NEK8: variants seen among roughly 807,000 people sequenced by gnomAD.
NEK8 encodes the protein serine/threonine-protein kinase Nek8.
NEK8 carries 51 observed loss-of-function variants against 77.2 expected under a neutral mutation model. The observed-to-expected ratio is 0.66, with a 90% CI of 0.53 to 0.83. The LOEUF is 0.83. Among genes scored for constraint, NEK8 ranks in the 40% least tolerant of loss-of-function variants. The pLI is 0.00. For synonymous variants in NEK8, 365 were observed against 363.2 expected (o/e 1.00, Z -0.06); for missense variants, 787 against 909.2 (o/e 0.87, Z 1.73).
chr17:28,740,473 G>T lies in NEK8; in HGVS notation c.1428G>T (p.Gly476=). 6.2e-7 allele frequency: 1 copy of T among 1,614,064 alleles called. No individual in the cohort carries two copies. The highest frequency in any genetic ancestry group is 8.5e-7 in the Non-Finnish European group (1 of 1,179,994). The change falls in exon 11 of 15, where the codon GGG becomes GGT. Residue 476 remains glycine, a synonymous_variant. Transcript: ENST00000268766. The surrounding 1 kb of genome is among the most constrained non-coding windows in gnomAD (Gnocchi z 4.7). ...AWGRGDSGRL[G]LGTRESHSCP... ...GGTTTCTTCTTGTAGGCAGACTGGG[G>T]CTAGGCACCAGGGAGTCCCACAGCT...
chr17:28,739,931 A>T (rs1216231112), intron 10 of NEK8, among the ~76,000 whole-genome samples: 1 of 152,170 alleles, frequency 6.6e-6, no homozygotes, highest in Non-Finnish European at 1.5e-5. Context: ...AGAGGCGTGG[A>T]ATTCAGTGAA....
Position 28,738,691 on chromosome 17 carries a change from T to G in NEK8, c.1243T>G (p.Phe415Val). Reference protein sequence around the residue: ...CLTDRGIIMTFGSGSNGCLGH... With the variant: ...CLTDRGIIMTVGSGSNGCLGH... ...CCCAGACAGAGGCATCATCATGACA[T>G]TCGGCAGCGGCAGCAATGGGTGCCT... Residue 415 changes from phenylalanine (F) to valine (V), a missense_variant, in exon 9 of 15, where the codon TTC (phenylalanine) becomes GTC (valine). By Grantham distance (50) the Phe-to-Val change is conservative (BLOSUM62 -1). Transcript: ENST00000268766. 6.2e-7 allele frequency: 1 copy of G among 1,614,182 alleles called. No homozygotes were observed. The highest frequency in any genetic ancestry group is 8.5e-7 in the Non-Finnish European group (1 of 1,180,002).
At position 28,738,724 on chromosome 17, in the gene NEK8, G is replaced by A. The variant is rs867565343; in HGVS notation, c.1276G>A (p.Gly426Ser). 3.1e-6 allele frequency: 5 copies of A among 1,613,992 alleles called. No homozygotes were observed. Among genetic ancestry groups the A allele is most frequent in the Admixed American group, 3.3e-5 (2 of 60,006 alleles). Reference sequence around the variant, plus strand: ...CGGCAGCAATGGGTGCCTAGGCCATGGCAGCCTCACTGACATCAGCCAGGT... The same window carrying A: ...CGGCAGCAATGGGTGCCTAGGCCATAGCAGCCTCACTGACATCAGCCAGGT... Reference protein sequence around the residue: ...GSGSNGCLGHGSLTDISQPTI... With the variant: ...GSGSNGCLGHSSLTDISQPTI... Residue 426 changes from glycine to serine, a missense_variant, in exon 9 of 15, where the codon GGC becomes AGC. By Grantham distance (56) the Gly-to-Ser change is moderately conservative. Transcript: ENST00000268766.
chr17:28,732,404 G>A (rs553572982), intron 1 of NEK8, among the ~76,000 whole-genome samples: 5 of 152,134 alleles, frequency 3.3e-5, no homozygotes, highest in South Asian at 4.1e-4. Flanking sequence ...TATTTTAGGC[G>A]AGAAATTATG....
rs376335658 is a variant in NEK8, at chr17:28,741,082, G to A, written c.1737G>A (p.Ser579=). 1.4e-5 allele frequency: 22 copies of A among 1,614,146 alleles called. No individual in the cohort carries two copies. Among genetic ancestry groups the A allele is most frequent in the Non-Finnish European group, 1.7e-5 (20 of 1,180,032 alleles). The change falls in exon 13 of 15, where the codon TCG becomes TCA. Residue 579 remains serine (S), a synonymous_variant. Transcript: ENST00000268766. This position sits in a 1 kb window ranked among gnomAD's most constrained non-coding sequence, Gnocchi z 4.5. The stretch of plus-strand genomic sequence containing the variant: ...TTTCCTTCCTCTCCCCCATAGCCTC[G>A]GGTGATTGCTACACTTTTGGCAGCA... ...GTAHSAAVTA[S]GDCYTFGSNQ...
intron 9 of NEK8, 43 bp from the exon 10 acceptor site, chr17:28,739,041 C>G: frequency 6.8e-7 from 1 of 1,462,998 alleles, no homozygotes; most frequent in Middle Eastern, 1.7e-4. Context: ...CAGATGGCTC[C>G]AGACCCTTTG....
rs749762875 is a variant in NEK8 at position 28,740,947 on chromosome 17, G to A, written c.1694G>A (p.Ser565Asn). ...CCCCTGGACCAGGAGCCTCTGCTGA[G>A]TATAGACCTGGGCACTGCTCACTCA... ...SAPLDQEPLL[S>N]IDLGTAHSAA... The change falls in exon 12 of 15, where the codon AGT (serine) becomes AAT (asparagine). Residue 565 changes from serine to asparagine, a missense_variant. Physicochemically the swap from Ser to Asn is conservative, Grantham distance 46 (BLOSUM62 1). This residue lies in a region of NEK8 where 516 missense variants were observed against 544.0 expected (regional missense o/e 0.95). Transcript: ENST00000268766. The surrounding 1 kb of genome is among the most constrained non-coding windows in gnomAD (Gnocchi z 4.7). The A allele has an allele frequency of 1.2e-6, 2 of 1,614,176 alleles. No individual in the cohort carries two copies. The highest frequency in any genetic ancestry group is 1.1e-5 in the South Asian group (1 of 91,086).
At chr17:28,734,605 A>G in intron 2 of NEK8, 167 bp from the exon 3 acceptor site, 1 of 625,178 alleles carries the variant, frequency 1.6e-6, no homozygotes, top group Non-Finnish European at 2.8e-6. Flanking sequence ...AATGGCTTGA[A>G]CCCGGGAGGG....
rs992466820 is a variant in NEK8 at position 28,741,706 on chromosome 17, T to G, written c.2050+135T>G. 8.2e-7 allele frequency: 1 copy of G among 1,226,056 alleles called. No individual in the cohort carries two copies. The highest frequency in any genetic ancestry group is 1.5e-5 in the African/African-American group (1 of 67,394). The allele number at this position is 1,226,056 out of a possible 1,614,324, so 75.9% of individuals were successfully genotyped here. ...AGATAAAAAAAGCAGAAGCTGCGGT[T>G]GAAAAGCTTCAAGCTTCCTGCCTGG... On this transcript the variant is annotated intron_variant, in intron 14 of 14. Transcript: ENST00000268766. The surrounding 1 kb of genome is among the most constrained non-coding windows in gnomAD (Gnocchi z 4.5).
Position 28,742,262 on chromosome 17 carries a change from C to A in NEK8, c.*275C>A, listed in dbSNP as rs906035692. ...GCTAGAGTTAGAAGGCAGACCTAGC[C>A]TTTGGAAGCAGGGTGGCCTCCAGAG... On this transcript the variant is annotated 3_prime_UTR_variant, in exon 15 of 15. Transcript: ENST00000268766. 1.8e-6 allele frequency: 1 copy of A among 569,956 alleles called. No individual in the cohort carries two copies. The highest frequency in any genetic ancestry group is 3.0e-5 in the East Asian group (1 of 32,874). The allele number at this position is 569,956 out of a possible 1,614,324, so 35.3% of individuals were successfully genotyped here. A position where few individuals can be genotyped will look rare whatever the true frequency, so the allele number is the denominator to read the frequency against.
rs2034384834 is a variant in NEK8 at position 28,738,092 on chromosome 17, C to T, written c.1072-3C>T. 2 of 1,613,064 alleles carry T rather than the reference C, an allele frequency of 1.2e-6. No individual in the cohort carries two copies. Among genetic ancestry groups the T allele is most frequent in the South Asian group, 2.2e-5 (2 of 91,026 alleles). ...GGCGCTGCCCATCCCCCTGCCCCTG[C>T]AGGCCCCACCCCTAGGTGCAGGCGG... On this transcript the variant is annotated splice_polypyrimidine_tract_variant and splice_region_variant and intron_variant, in intron 7 of 14. Coordinates refer to ENST00000268766, the MANE Select transcript of NEK8 (RefSeq NM_178170.3).
intron 2 of NEK8, 52 bp from the exon 3 acceptor site, chr17:28,734,720 G>GT (rs2034345298): frequency 7.9e-7 from 1 of 1,267,282 alleles, no homozygotes; most frequent in East Asian, 2.3e-5. Flanking sequence ...ATGGAGAGGG[G>GT]TTGTCGTAGG....
Position 28,741,005 on chromosome 17 carries a change from T to TGGAG in NEK8, c.1732+22_1732+25dup, listed in dbSNP as rs1383058901. On this transcript the variant is annotated intron_variant, in intron 12 of 14. Transcript: ENST00000268766. This position sits in a 1 kb window ranked among gnomAD's most constrained non-coding sequence, Gnocchi z 4.5. The stretch of plus-strand genomic sequence containing the variant: ...TGACTGGTGAGGAGGACTTGGGCTC[T>TGGAG]GGAGGTCAGAGGGGGACTCACGGTC... 1 of 1,614,174 alleles carries TGGAG rather than the reference T, an allele frequency of 6.2e-7. No individual in the cohort carries two copies. The highest frequency in any genetic ancestry group is 2.2e-5 in the East Asian group (1 of 44,874).
chr17:28,738,085 GC>G lies in NEK8; in HGVS notation c.1072-6del. 6.2e-7 allele frequency: 1 copy of G among 1,612,930 alleles called. No individual in the cohort carries two copies. The highest frequency in any genetic ancestry group is 8.5e-7 in the Non-Finnish European group (1 of 1,179,596). Reference sequence around the variant, plus strand: ...GTGCTCAGGCGCTGCCCATCCCCCTGCCCCTGCAGGCCCCACCCCTAGGTGC... The same window carrying G: ...GTGCTCAGGCGCTGCCCATCCCCCTGCCCTGCAGGCCCCACCCCTAGGTGC... On this transcript the variant is annotated splice_polypyrimidine_tract_variant and intron_variant, in intron 7 of 14. Coordinates refer to ENST00000268766, the MANE Select transcript of NEK8 (RefSeq NM_178170.3).
rs2034408445 is a variant in NEK8 at position 28,740,363 on chromosome 17, C to G, written c.1418-100C>G. 2.0e-6 allele frequency: 2 copies of G among 987,266 alleles called. No individual in the cohort carries two copies. Among genetic ancestry groups the G allele is most frequent in the Non-Finnish European group, 3.3e-6 (2 of 610,558 alleles). 61.2% of individuals were successfully genotyped at this position (987,266 alleles called of 1,614,324 possible). On this transcript the variant is annotated intron_variant, in intron 10 of 14. Coordinates refer to ENST00000268766, the MANE Select transcript of NEK8 (RefSeq NM_178170.3). The surrounding 1 kb of genome is among the most constrained non-coding windows in gnomAD (Gnocchi z 4.7). ...GGAAAGGCATTTGGGACTGAGAGAA[C>G]AGAGAACTCATGCTGTTCCCTCCCC...
rs781031222 is a variant in NEK8, at chr17:28,741,929, C to T, written c.2051-30C>T. The T allele has an allele frequency of 6.2e-7, 1 of 1,613,712 alleles. No homozygotes were observed. Among genetic ancestry groups the T allele is most frequent in the Non-Finnish European group, 8.5e-7 (1 of 1,179,610 alleles). ...TTTCTGGAGGCACTGCCCTCAGAAG[C>T]TGCAAGGGTTTCTCTTCGGTACCCT... On this transcript the variant is annotated intron_variant, in intron 14 of 14. Coordinates refer to ENST00000268766, the MANE Select transcript of NEK8 (RefSeq NM_178170.3). The surrounding 1 kb of genome is among the most constrained non-coding windows in gnomAD (Gnocchi z 4.5).
intron 1 of NEK8, among the ~76,000 whole-genome samples, chr17:28,730,275 TA>T (rs1432937053): frequency 1.5e-5 from 2 of 136,020 alleles, no homozygotes; most frequent in African/African-American, 2.8e-5. Flanking sequence ...AACAACCGGC[TA>T]ATTTTTTTTT....
In NEK8 at chr17:28,730,945, AAAAG is replaced by A. The variant is rs531020051; in HGVS notation, c.47+2094_47+2097del. Among the ~76,000 whole-genome samples, 17 of 151,778 alleles carry A rather than the reference AAAAG, an allele frequency of 1.1e-4. No individual in the cohort carries two copies. In the South Asian group the frequency reaches 2.9e-3, roughly 26 times the overall value. On this transcript the variant is annotated intron_variant, in intron 1 of 14. Transcript: ENST00000268766. ...CTAAAAAAAGAAATAATACAAGAAAAAAAGAAAGAAAGGAAAGAAAGAAGGGGCC... is the reference window on the plus strand; with the variant it reads ...CTAAAAAAAGAAATAATACAAGAAAAAAAGAAAGGAAAGAAAGAAGGGGCC...
intron 1 of NEK8, among the ~76,000 whole-genome samples, chr17:28,731,113 T>C (rs750933344): frequency 1.3e-5 from 2 of 150,830 alleles, no homozygotes; most frequent in Non-Finnish European, 2.9e-5. Context: ...TTTAGCTGGG[T>C]GTTGTGACGG....
Sources: gnomAD v4.1 joint callset for allele counts (sites outside exome capture counted in the v4.1 genomes callset) on GRCh38, gnomAD v4.1.1 for gene constraint, gnomAD v4.1.1 regional missense constraint, Gnocchi (gnomAD v3.1) non-coding constraint, MANE v1.5 for transcripts, NCBI Gene and HGNC (gene_info 2026-07-23, HGNC 2026-07-21) for gene names.